The following GRID2 variants were observed in gnomAD, a reference collection of about 807,000 sequenced individuals.
The protein encoded by GRID2 is glutamate receptor ionotropic, delta-2.
In GRID2, 33 loss-of-function variants were observed where a neutral mutation model predicts 114.8. That is an observed-to-expected ratio of 0.29 (90% CI 0.22 to 0.38). The LOEUF (loss-of-function observed/expected upper bound fraction) is 0.38, where lower values mean the gene tolerates loss of function less well. Ranked by LOEUF, GRID2 falls within the 10% of genes least tolerant of loss-of-function variation. The pLI is 1.00. For synonymous variants in GRID2, 505 were observed against 449.9 expected, an observed-to-expected ratio of 1.12 and a Z score of -1.55; for missense variants, 1,184 against 1,257.7, an observed-to-expected ratio of 0.94 and a Z score of 0.89.
chr4:93,399,016 C>T (rs1273331070), intron 9 of GRID2, among the ~76,000 whole-genome samples: 1 of 151,880 alleles, frequency 6.6e-6, no homozygotes, highest in African/African-American at 2.4e-5. Flanking sequence ...GAACCACTCT[C>T]CCCTCACCCC....
At chr4:93,040,651 G>A (rs1367518108) in intron 2 of GRID2, among the ~76,000 whole-genome samples, 1 of 152,162 alleles carries the variant, frequency 6.6e-6, no homozygotes, top group African/African-American at 2.4e-5. Context: ...ATGAGTCACT[G>A]GGTATTTTAA....
intron 7 of GRID2, among the ~76,000 whole-genome samples, chr4:93,231,122 C>T (rs1473518098): frequency 2.6e-5 from 4 of 151,954 alleles, no homozygotes; most frequent in African/African-American, 9.7e-5. Context: ...ATTTATAAAT[C>T]AATTTGCCCA....
chr4:92,500,387 TA>T lies in GRID2; in HGVS notation c.89-89735del, dbSNP rs555063867. Among the ~76,000 whole-genome samples, 193 of 149,350 alleles carry T rather than the reference TA, an allele frequency of 1.3e-3. 1 individual carries two copies. The highest frequency in any genetic ancestry group is 3.9e-3 in the East Asian group (20 of 5,166). On this transcript the variant is annotated intron_variant, in intron 1 of 15. Coordinates refer to ENST00000282020, the MANE Select transcript of GRID2 (RefSeq NM_001510.4). ...TCTATCTACAAAAGTTAAATTCTTTTAAAAAAAAACATATTTTTATTCACAT... is the reference window on the plus strand; with the variant it reads ...TCTATCTACAAAAGTTAAATTCTTTTAAAAAAAACATATTTTTATTCACAT...
At chr4:92,340,128 ATTAC>A (rs1727401958) in intron 1 of GRID2, among the ~76,000 whole-genome samples, 1 of 152,162 alleles carries the variant, frequency 6.6e-6, no homozygotes, top group South Asian at 2.1e-4. Flanking sequence ...AAATAAAGCT[ATTAC>A]TTGTGAAAAT....
At chr4:92,483,204 T>A (rs1385800510) in intron 1 of GRID2, among the ~76,000 whole-genome samples, 15 of 151,990 alleles carry the variant, frequency 9.9e-5, no homozygotes, top group Non-Finnish European at 2.9e-5. Flanking sequence ...CTGGCTGTAG[T>A]GCACATGCCT....
chr4:93,737,636 G>C (rs1731039895), intron 14 of GRID2, among the ~76,000 whole-genome samples: 1 of 151,948 alleles, frequency 6.6e-6, no homozygotes, highest in Non-Finnish European at 1.5e-5. Flanking sequence ...AGATTATTTA[G>C]GTCAGTAAAT....
intron 7 of GRID2, among the ~76,000 whole-genome samples, chr4:93,234,025 A>T (rs142595581): frequency 6.6e-6 from 1 of 152,132 alleles, no homozygotes; most frequent in East Asian, 1.9e-4. Flanking sequence ...TGTTTAAAGC[A>T]CTATGTATCA....
At chr4:92,529,642 G>T (rs1016430969) in intron 1 of GRID2, among the ~76,000 whole-genome samples, 21 of 152,040 alleles carry the variant, frequency 1.4e-4, no homozygotes. Flanking sequence ...CACTAAGCAG[G>T]GATTGGGTTG....
At chr4:92,644,541 T>C (rs928229600) in intron 2 of GRID2, among the ~76,000 whole-genome samples, 2 of 151,760 alleles carry the variant, frequency 1.3e-5, no homozygotes, top group African/African-American at 4.8e-5. Flanking sequence ...TACATTTTTA[T>C]GTTAATCGTT....
In GRID2 at chr4:92,384,824, C is replaced by A. The variant is rs375411032; in HGVS notation, c.88+80080C>A. ...TTCATTCTCTGAAACAATGGAAAAACGCTTGAATTTTCAGACGGTATTGTC... is the reference window on the plus strand; with the variant it reads ...TTCATTCTCTGAAACAATGGAAAAAAGCTTGAATTTTCAGACGGTATTGTC... On this transcript the variant is annotated intron_variant, in intron 1 of 15. Coordinates refer to ENST00000282020, the MANE Select transcript of GRID2 (RefSeq NM_001510.4). 3.8e-4 allele frequency among the ~76,000 whole-genome samples: 57 copies of A among 148,236 alleles called. No individual in the cohort carries two copies. The East Asian group carries it at 8.9e-3, about 23-fold the overall frequency.
At chr4:92,981,347 C>T (rs1754198723) in intron 2 of GRID2, among the ~76,000 whole-genome samples, 1 of 151,922 alleles carries the variant, frequency 6.6e-6, no homozygotes. Flanking sequence ...CCACTCTGTT[C>T]CTTAGATGTA....
At chr4:93,412,237 C>T (rs568279635) in intron 9 of GRID2, among the ~76,000 whole-genome samples, 9 of 150,842 alleles carry the variant, frequency 6.0e-5, no homozygotes, top group South Asian at 2.1e-4. Flanking sequence ...CATCCCCCCC[C>T]CCCAAAAAAA....
At chr4:93,632,358 T>C (rs1720997310) in intron 14 of GRID2, among the ~76,000 whole-genome samples, 1 of 152,232 alleles carries the variant, frequency 6.6e-6, no homozygotes, top group Non-Finnish European at 1.5e-5. Flanking sequence ...AGGTCTAACA[T>C]TGAAGTCTTT....
intron 2 of GRID2, among the ~76,000 whole-genome samples, chr4:92,851,522 C>T (rs535362988): frequency 3.3e-5 from 5 of 151,800 alleles, no homozygotes; most frequent in Admixed American, 3.3e-4. Flanking sequence ...ATAGTTTTTC[C>T]TTCTTCTACA....
chr4:92,837,791 C>T (rs895947887), intron 2 of GRID2, among the ~76,000 whole-genome samples: 13 of 152,086 alleles, frequency 8.5e-5, no homozygotes, highest in South Asian at 2.1e-4. Flanking sequence ...TTTAATTGCA[C>T]GCAAATACAT....
chr4:92,366,419 T>C (rs1728869012), intron 1 of GRID2, among the ~76,000 whole-genome samples: 2 of 152,034 alleles, frequency 1.3e-5, no homozygotes, highest in Admixed American at 1.3e-4. Context: ...CATAATAGTA[T>C]ACATTTAACA....
intron 1 of GRID2, among the ~76,000 whole-genome samples, chr4:92,516,118 G>A (rs1425738497): frequency 6.6e-6 from 1 of 151,866 alleles, no homozygotes; most frequent in African/African-American, 2.4e-5. Context: ...TATTTTGTTT[G>A]AAAATTATGT....
At chr4:93,362,361 G>A (rs1312939859) in intron 8 of GRID2, among the ~76,000 whole-genome samples, 1 of 151,896 alleles carries the variant, frequency 6.6e-6, no homozygotes, top group Non-Finnish European at 1.5e-5. Flanking sequence ...GCTTAGGCAG[G>A]CAGTGTGTCC....
intron 2 of GRID2, among the ~76,000 whole-genome samples, chr4:92,856,474 C>T (rs1177400373): frequency 6.6e-6 from 1 of 152,054 alleles, no homozygotes; most frequent in African/African-American, 2.4e-5. Context: ...ATAATAGGGT[C>T]AAAAATACAA....
Sources: gnomAD v4.1 joint callset for allele counts (sites outside exome capture counted in the v4.1 genomes callset) on GRCh38, gnomAD v4.1.1 for gene constraint, MANE v1.5 for transcripts, NCBI Gene and HGNC (gene_info 2026-07-23, HGNC 2026-07-21) for gene names.